The following SLC7A2 variants were observed in gnomAD, a reference collection of about 807,000 sequenced individuals.
The protein encoded by SLC7A2 is cationic amino acid transporter 2.
Under a neutral mutation model 58.9 loss-of-function variants are expected in SLC7A2, and 48 were observed. That is an observed-to-expected ratio of 0.82 (90% CI 0.65 to 1.04). SLC7A2 has a LOEUF of 1.04. Ranked by LOEUF, SLC7A2 falls within the 50% of genes least tolerant of loss-of-function variation. SLC7A2 has a pLI of 0.00. For synonymous variants in SLC7A2, 363 were observed against 314.5 expected (o/e 1.15, Z -1.63); for missense variants, 1,029 against 818.8 (o/e 1.26, Z -3.13).
chr8:17,508,333 A>G (rs1397668697), intron 2 of SLC7A2, among the ~76,000 whole-genome samples: 3 of 152,236 alleles, frequency 2.0e-5, no homozygotes, highest in African/African-American at 7.2e-5. Context: ...AAGGACAAAC[A>G]ACCTTATTGT....
At chr8:17,502,489 AG>A (rs1800199995) in intron 2 of SLC7A2, among the ~76,000 whole-genome samples, 187 bp downstream of exon 2, 2 of 152,224 alleles carry the variant, frequency 1.3e-5, no homozygotes, top group African/African-American at 4.8e-5. Context: ...ATATTTTAAA[AG>A]AATCTTTACT....
At chr8:17,500,849 C>T (rs547019671) in intron 1 of SLC7A2, among the ~76,000 whole-genome samples, 2 of 150,058 alleles carry the variant, frequency 1.3e-5, no homozygotes, top group African/African-American at 2.5e-5. Flanking sequence ...CACACAGAAT[C>T]CCAGCCAAGT....
At chr8:17,527,243 AGAGGACCAC>A (rs1171626782) in intron 2 of SLC7A2, among the ~76,000 whole-genome samples, 2 of 152,208 alleles carry the variant, frequency 1.3e-5, no homozygotes, top group African/African-American at 4.8e-5. Flanking sequence ...AATGGAACCA[AGAGGACCAC>A]GCTATATAGA....
intron 9 of SLC7A2, 32 bp downstream of exon 9, chr8:17,558,429 C>T (rs758508536): frequency 1.4e-6 from 2 of 1,396,130 alleles, no homozygotes; most frequent in East Asian, 4.6e-5. Context: ...CAGGGTGTAC[C>T]ATGCACGAGG....
At chr8:17,526,836 G>A (rs1186282868) in intron 2 of SLC7A2, among the ~76,000 whole-genome samples, 2 of 152,134 alleles carry the variant, frequency 1.3e-5, no homozygotes, top group African/African-American at 2.4e-5. Context: ...CTTTCTCCAC[G>A]ATTATTACAC....
intron 2 of SLC7A2, among the ~76,000 whole-genome samples, chr8:17,507,674 G>C (rs1179094862): frequency 6.6e-6 from 1 of 152,006 alleles, no homozygotes; most frequent in Admixed American, 6.6e-5. Context: ...ATTATTACAT[G>C]TCAGTGAAAA....
chr8:17,538,882 G>A (rs1342954648), intron 2 of SLC7A2: 7 of 1,613,688 alleles, frequency 4.3e-6, no homozygotes, highest in Admixed American at 1.7e-5. Context: ...AGGGTTTATT[G>A]GAACACCTGC....
At chr8:17,532,030 C>G (rs2150713679) in intron 2 of SLC7A2, among the ~76,000 whole-genome samples, 1 of 151,818 alleles carries the variant, frequency 6.6e-6, no homozygotes, top group Middle Eastern at 3.4e-3. Context: ...GAGTTCGAGA[C>G]CAGCCTGGCC....
chr8:17,538,941 G>C (rs372918655), intron 2 of SLC7A2: 25 of 1,607,020 alleles, frequency 1.6e-5, no homozygotes, highest in Non-Finnish European at 1.8e-5. Context: ...TATTGTCAGG[G>C]CCTGGGATAC....
At chr8:17,546,027 A>C (rs1337554671) in intron 4 of SLC7A2, among the ~76,000 whole-genome samples, 2 of 152,168 alleles carry the variant, frequency 1.3e-5, no homozygotes, top group African/African-American at 4.8e-5. Flanking sequence ...AATGTTTTGC[A>C]TTTTGAGTCT....
chr8:17,520,415 C>T (rs1800967290), intron 2 of SLC7A2, among the ~76,000 whole-genome samples: 1 of 151,520 alleles, frequency 6.6e-6, no homozygotes, highest in Admixed American at 6.6e-5. Flanking sequence ...CCGAGGTGGG[C>T]GGATCACCCG....
At chr8:17,495,991 T>G (rs576904305), upstream of SLC7A2, among the ~76,000 whole-genome samples, 1 of 152,346 alleles carries the variant, frequency 6.6e-6, no homozygotes, top group East Asian at 1.9e-4. Context: ...GAAGAATGAT[T>G]TAGAATATCA....
intron 8 of SLC7A2, among the ~76,000 whole-genome samples, chr8:17,557,687 G>A (rs982218905): frequency 6.8e-6 from 1 of 148,108 alleles, no homozygotes; most frequent in African/African-American, 2.7e-5. Flanking sequence ...AATTAGCCAG[G>A]TGTGGTGGCG....
upstream of SLC7A2, among the ~76,000 whole-genome samples, chr8:17,495,401 C>G (rs1213233235): frequency 3.9e-5 from 6 of 152,188 alleles, no homozygotes; most frequent in African/African-American, 1.4e-4. Context: ...CATCATTTCC[C>G]TTAATGTTAT....
intron 2 of SLC7A2, among the ~76,000 whole-genome samples, chr8:17,507,865 G>C (rs1800436390): frequency 6.6e-6 from 1 of 152,118 alleles, no homozygotes; most frequent in African/African-American, 2.4e-5. Flanking sequence ...GAAGTTTTTA[G>C]ATTTTGAAAT....
intron 2 of SLC7A2, among the ~76,000 whole-genome samples, chr8:17,509,457 C>G (rs1010537392): frequency 1.1e-4 from 16 of 151,962 alleles, no homozygotes; most frequent in Admixed American, 8.5e-4. Flanking sequence ...AGGTGCCCAC[C>G]ACCACACCTG....
At chr8:17,561,485 A>C (rs1802981237) in intron 10 of SLC7A2, among the ~76,000 whole-genome samples, 2 of 152,218 alleles carry the variant, frequency 1.3e-5, no homozygotes. Flanking sequence ...CTCCCATAAC[A>C]CATGGAAATT....
chr8:17,527,253 G>A (rs1250803833), intron 2 of SLC7A2, among the ~76,000 whole-genome samples: 2 of 152,058 alleles, frequency 1.3e-5, no homozygotes, highest in Non-Finnish European at 2.9e-5. Flanking sequence ...AGAGGACCAC[G>A]CTATATAGAA....
Position 17,543,609 on chromosome 8 carries a change from G to A in SLC7A2, c.270G>A (p.Gly90=), listed in dbSNP as rs1802020951. Reference sequence around the variant, plus strand: ...CTGGCCTCTGCTATGCCGAATTTGGGGCCCGTGTTCCCAAGACGGGGTCTG... The same window carrying A: ...CTGGCCTCTGCTATGCCGAATTTGGAGCCCGTGTTCCCAAGACGGGGTCTG... ...VMAGLCYAEF[G]ARVPKTGSAY... Residue 90 remains glycine, a synonymous_variant, in exon 3 of 13, where the codon GGG becomes GGA. Transcript: ENST00000494857. 2 of 1,603,230 alleles carry A rather than the reference G, an allele frequency of 1.2e-6. No individual in the cohort carries two copies. The highest frequency in any genetic ancestry group is 1.3e-5 in the African/African-American group (1 of 74,680).
Sources: gnomAD v4.1 joint callset for allele counts (sites outside exome capture counted in the v4.1 genomes callset) on GRCh38, gnomAD v4.1.1 for gene constraint, MANE v1.5 for transcripts, NCBI Gene and HGNC (gene_info 2026-07-23, HGNC 2026-07-21) for gene names.